AHNAK: variants seen among roughly 807,000 people sequenced by gnomAD.
AHNAK encodes AHNAK nucleoprotein.
Under a neutral mutation model 37.8 loss-of-function variants are expected in AHNAK, and 23 were observed. That is an observed-to-expected ratio of 0.61 (90% CI 0.44 to 0.86). The LOEUF (loss-of-function observed/expected upper bound fraction) is 0.86, where lower values mean the gene tolerates loss of function less well. Among genes scored for constraint, AHNAK ranks in the 40% least tolerant of loss-of-function variants. AHNAK has a pLI of 0.00. For synonymous variants in AHNAK, 2,481 were observed against 2,636.3 expected, an observed-to-expected ratio of 0.94 and a Z score of 1.80; for missense variants, 7,411 against 7,319.4, an observed-to-expected ratio of 1.01 and a Z score of -0.46.
At chr11:62,433,651 T>C in exon 6 of AHNAK, 1 of 601,136 alleles carries the variant, frequency 1.7e-6, no homozygotes, top group South Asian at 2.1e-5. Context: ...CTCTGTCCCC[T>C]TGCAAGTAAA....
At position 62,522,334 on chromosome 11, in the gene AHNAK, C is replaced by T. The variant is rs1444587852; in HGVS notation, c.12083G>A (p.Gly4028Asp). The T allele has an allele frequency of 2.5e-6, 4 of 1,613,238 alleles. No individual in the cohort carries two copies. The highest frequency in any genetic ancestry group is 3.4e-6 in the Non-Finnish European group (4 of 1,179,878). ...DVDVSLPKMEGDLKAPEVDIK... is the reference protein window; with the variant it reads ...DVDVSLPKMEDDLKAPEVDIK... The stretch of plus-strand genomic sequence containing the variant: ...GTCAACTTCAGGGGCCTTTAGATCA[C>T]CTTCCATCTTAGGCAGAGAAACATC... The change falls in exon 5 of 5, where the codon GGT (glycine) becomes GAT (aspartate). Residue 4028 changes from glycine (G) to aspartate (D), a missense_variant. Transcript: ENST00000378024.
intron 5 of AHNAK, among the ~76,000 whole-genome samples, chr11:62,476,599 G>C (rs1014448593): frequency 6.6e-6 from 1 of 152,122 alleles, no homozygotes; most frequent in Non-Finnish European, 1.5e-5. Flanking sequence ...CTTTATAAGT[G>C]GGTGCCTCAT....
intron 5 of AHNAK, among the ~76,000 whole-genome samples, chr11:62,469,459 T>A (rs1555022134): frequency 6.6e-6 from 1 of 150,792 alleles, no homozygotes; most frequent in Non-Finnish European, 1.5e-5. Flanking sequence ...ATGTTGTAAT[T>A]TTTGTTTGTT....
intron 5 of AHNAK, among the ~76,000 whole-genome samples, chr11:62,453,528 G>A (rs532850039): frequency 6.6e-6 from 1 of 152,186 alleles, no homozygotes; most frequent in African/African-American, 2.4e-5. Context: ...GTCAACAGCA[G>A]AACCAGGATT....
intron 3 of AHNAK, 86 bp downstream of exon 3, chr11:62,535,859 C>T (rs1167054864): frequency 6.6e-6 from 10 of 1,514,794 alleles, no homozygotes; most frequent in African/African-American, 1.4e-5. Flanking sequence ...CACTCACCCA[C>T]TTCTGCCTGC....
chr11:62,456,791 G>A (rs1219856266), intron 5 of AHNAK, among the ~76,000 whole-genome samples: 4 of 152,168 alleles, frequency 2.6e-5, no homozygotes, highest in African/African-American at 7.2e-5. Flanking sequence ...CCCTGCCACC[G>A]CCTACGGCTG....
chr11:62,460,921 C>T (rs1373438900), intron 5 of AHNAK, among the ~76,000 whole-genome samples: 4 of 151,702 alleles, frequency 2.6e-5, no homozygotes, highest in East Asian at 1.9e-4. Flanking sequence ...CCCGGGTTCA[C>T]GCCATTCTCC....
Position 62,518,174 on chromosome 11 carries a change from TAG to T in AHNAK, c.16241_16242del (p.Ser5414TyrfsTer41). ...PKMKLPQFGI[S>X]TPGSDLHVNA... ...TTGACGTGCAAGTCGGACCCCGGAGTAGAGATGCCAAATTGGGGCAGCTTCAT... is the reference window on the plus strand; with the variant it reads ...TTGACGTGCAAGTCGGACCCCGGAGTAGATGCCAAATTGGGGCAGCTTCAT... On this transcript the variant is annotated frameshift_variant, in exon 5 of 5. Coordinates refer to ENST00000378024, the MANE Select transcript of AHNAK (RefSeq NM_001620.3). LOFTEE classifies it high-confidence loss of function. 6.2e-7 allele frequency: 1 copy of T among 1,613,838 alleles called. No homozygotes were observed. Among genetic ancestry groups the T allele is most frequent in the Non-Finnish European group, 8.5e-7 (1 of 1,179,968 alleles).
In AHNAK at chr11:62,529,477, T is replaced by G. The variant is rs149295831; in HGVS notation, c.4940A>C (p.His1647Pro). 1.2e-6 allele frequency: 2 copies of G among 1,614,042 alleles called. No individual in the cohort carries two copies. Among genetic ancestry groups the G allele is most frequent in the Non-Finnish European group, 1.7e-6 (2 of 1,180,040 alleles). ...KGPKFKMPEM[H>P]FKAPKISMPD... ...CATGGAGATCTTGGGGGCCTTGAAA[T>G]GCATCTCAGGCATCTTAAACTTGGG... Residue 1647 changes from histidine to proline, a missense_variant, in exon 5 of 5, where the codon CAT becomes CCT. Physicochemically the swap from His to Pro is moderately conservative, Grantham distance 77. Transcript: ENST00000378024.
At chr11:62,444,871 A>G (rs1938392526) in intron 5 of AHNAK, among the ~76,000 whole-genome samples, 1 of 149,436 alleles carries the variant, frequency 6.7e-6, no homozygotes, top group Non-Finnish European at 1.5e-5. Flanking sequence ...CATTTTAGAG[A>G]TGATGAAGTG....
At chr11:62,510,986 G>A (rs773470246), downstream of AHNAK, among the ~76,000 whole-genome samples, 3 of 152,058 alleles carry the variant, frequency 2.0e-5, no homozygotes, top group Non-Finnish European at 4.4e-5. Flanking sequence ...TAATGTCACA[G>A]CTAATGCAAA....
chr11:62,509,811 A>T (rs1169843376), intron 4 of AHNAK, among the ~76,000 whole-genome samples: 1 of 152,008 alleles, frequency 6.6e-6, no homozygotes, highest in Non-Finnish European at 1.5e-5. Flanking sequence ...CCAGCCACTC[A>T]GGAGGCTAAG....
At chr11:62,479,700 A>G (rs1939226388) in intron 5 of AHNAK, among the ~76,000 whole-genome samples, 1 of 151,958 alleles carries the variant, frequency 6.6e-6, no homozygotes, top group Non-Finnish European at 1.5e-5. Context: ...CATCTCCCCA[A>G]CCAAATGCCT....
intron 5 of AHNAK, among the ~76,000 whole-genome samples, chr11:62,480,139 C>G (rs1939236819): frequency 6.6e-6 from 1 of 152,208 alleles, no homozygotes; most frequent in African/African-American, 2.4e-5. Context: ...GTGCCCACTG[C>G]TGGGAGCAGG....
In AHNAK at chr11:62,435,030, G is replaced by C. The variant is rs563260992; in HGVS notation, c.443-1139C>G. Among the ~76,000 whole-genome samples, 3 of 150,226 alleles carry C rather than the reference G, an allele frequency of 2.0e-5. No homozygotes were observed. In the East Asian group the frequency reaches 5.9e-4, roughly 30 times the overall value. Reference sequence around the variant, plus strand: ...TTATCTTCTACTAGTCCCTACACAAGTTTCAAGCACCAACCAAAATCACCT... The same window carrying C: ...TTATCTTCTACTAGTCCCTACACAACTTTCAAGCACCAACCAAAATCACCT... On this transcript the variant is annotated intron_variant, in intron 5 of 5. Coordinates refer to the AHNAK transcript ENST00000257247.
intron 5 of AHNAK, among the ~76,000 whole-genome samples, chr11:62,465,403 AGGAGTTTG>A (rs1238084885): frequency 6.6e-6 from 1 of 152,114 alleles, no homozygotes; most frequent in African/African-American, 2.4e-5. Flanking sequence ...TCATGAGGTC[AGGAGTTTG>A]AGACCAGCCT....
Position 62,518,249 on chromosome 11 carries a change from G to A in AHNAK, c.16168C>T (p.Pro5390Ser). The A allele has an allele frequency of 6.2e-7, 1 of 1,614,132 alleles. No homozygotes were observed. The highest frequency in any genetic ancestry group is 8.5e-7 in the Non-Finnish European group (1 of 1,180,016). ...TCGGATGCCTCCAAGCTTAGATCAG[G>A]AGCTCCTACGGATACTTTAGGGCAT... is the stretch of plus-strand genomic sequence containing the variant. ...IKCPKVSVGA[P>S]DLSLEASEGS... Residue 5390 changes from proline to serine, a missense_variant, in exon 5 of 5, where the codon CCT becomes TCT. Physicochemically the swap from Pro to Ser is moderately conservative, Grantham distance 74. Coordinates refer to ENST00000378024, the MANE Select transcript of AHNAK (RefSeq NM_001620.3).
At chr11:62,494,505 C>T (rs565935725) in intron 4 of AHNAK, among the ~76,000 whole-genome samples, 1 of 151,988 alleles carries the variant, frequency 6.6e-6, no homozygotes, top group Non-Finnish European at 1.5e-5. Flanking sequence ...ACTACTACCC[C>T]GTTTTACACA....
chr11:62,516,177 C>T lies in AHNAK; in HGVS notation c.*567G>A. 1.6e-6 allele frequency: 2 copies of T among 1,289,174 alleles called. No individual in the cohort carries two copies. Among genetic ancestry groups the T allele is most frequent in the South Asian group, 2.5e-5 (2 of 81,010 alleles). The allele number at this position is 1,289,174 out of a possible 1,614,324, so 79.9% of individuals were successfully genotyped here. A position where few individuals can be genotyped will look rare whatever the true frequency, so the allele number is the denominator to read the frequency against. On this transcript the variant is annotated 3_prime_UTR_variant, in exon 5 of 5. Transcript: ENST00000378024. ...TCAGCACCAAACTGGCTGGGACCAC[C>T]ACCCCTGGGTGAAAGAAACAACACT...
Sources: allele counts gnomAD v4.1 joint callset (sites outside exome capture counted in the v4.1 genomes callset), GRCh38; gene constraint gnomAD v4.1.1; transcripts MANE v1.5; gene names NCBI Gene and HGNC (gene_info 2026-07-23, HGNC 2026-07-21).